Variants in MYO9A observed in about 807,000 individuals in gnomAD.
MYO9A encodes myosin IXA, also known as unconventional myosin-IXa.
A neutral mutation model predicts 293.3 loss-of-function variants in MYO9A; 103 were observed. That is an observed-to-expected ratio of 0.35 (90% CI 0.30 to 0.41). The LOEUF (loss-of-function observed/expected upper bound fraction) is 0.41, where lower values mean the gene tolerates loss of function less well. Among genes scored for constraint, MYO9A ranks in the 10% least tolerant of loss-of-function variants. The pLI, the probability that MYO9A is intolerant of heterozygous loss-of-function variation, is 1.00. For synonymous variants in MYO9A, 1,001 were observed against 1,035.7 expected (o/e 0.97, Z 0.64); for missense variants, 2,685 against 3,033.0 (o/e 0.89, Z 2.69).
chr15:72,024,621 T>A (rs146352828), intron 4 of MYO9A, among the ~76,000 whole-genome samples: 9 of 152,270 alleles, frequency 5.9e-5, no homozygotes, highest in African/African-American at 9.6e-5. Flanking sequence ...AGAAATTACA[T>A]AAAGCAGTAA....
intron 1 of MYO9A, among the ~76,000 whole-genome samples, chr15:72,107,478 G>A (rs2080612549): frequency 6.6e-6 from 1 of 152,164 alleles, no homozygotes; most frequent in African/African-American, 2.4e-5. Flanking sequence ...GAACCCCGGA[G>A]GCAGAAGTTG....
intron 1 of MYO9A, among the ~76,000 whole-genome samples, chr15:72,082,200 T>C (rs747127263): frequency 6.6e-6 from 1 of 152,184 alleles, no homozygotes; most frequent in Non-Finnish European, 1.5e-5. Context: ...CTCTGATTTC[T>C]TTCAGCAGTG....
At chr15:72,066,688 C>A (rs2079032840) in intron 1 of MYO9A, among the ~76,000 whole-genome samples, 1 of 151,992 alleles carries the variant, frequency 6.6e-6, no homozygotes, top group African/African-American at 2.4e-5. Flanking sequence ...CATTCTATAT[C>A]TTAATATGGG....
At chr15:72,033,233 G>T (rs2077933409) in intron 2 of MYO9A, among the ~76,000 whole-genome samples, 2 of 152,110 alleles carry the variant, frequency 1.3e-5, no homozygotes, top group Non-Finnish European at 2.9e-5. Flanking sequence ...CTACAAAAAA[G>T]TCTTAATATA....
intron 18 of MYO9A, among the ~76,000 whole-genome samples, chr15:71,930,328 G>A (rs951276051): frequency 6.6e-6 from 1 of 152,052 alleles, no homozygotes. Context: ...CTGTATTGTA[G>A]TTTATCTCTC....
chr15:71,929,608 A>G (rs8032670), intron 18 of MYO9A, among the ~76,000 whole-genome samples: 2,615 of 152,294 alleles, frequency 0.017, 84 homozygotes, highest in African/African-American at 0.06. Context: ...GCATATATTG[A>G]ACCATTCTTG....
rs193184086 is a variant in MYO9A at position 72,028,452 on chromosome 15, A to C, written c.936-659T>G. 1.4e-3 allele frequency among the ~76,000 whole-genome samples: 216 copies of C among 151,684 alleles called. 1 individual carries two copies. Among genetic ancestry groups the C allele is most frequent in the African/African-American group, 4.9e-3 (204 of 41,362 alleles). ...CACCTGAGGTCAGGAGTTCGAGACC[A>C]GCCTGACCAACATGGAGAAACCCCA... On this transcript the variant is annotated intron_variant, in intron 3 of 41. Coordinates refer to ENST00000356056, the MANE Select transcript of MYO9A (RefSeq NM_006901.4).
Position 71,893,167 on chromosome 15 carries a change from G to A in MYO9A, c.5142+512C>T, listed in dbSNP as rs887773425. ...CATTCGAGCTTTCTTTTTATGGGCC[G>A]GTCTGGCAACCTGCTTGACCAAATG... On this transcript the variant is annotated intron_variant, in intron 26 of 41. Coordinates refer to ENST00000356056, the MANE Select transcript of MYO9A (RefSeq NM_006901.4). The A allele has an allele frequency of 1.3e-5, 16 of 1,278,100 alleles. 1 individual carries two copies. The highest frequency in any genetic ancestry group is 2.2e-4 in the Middle Eastern group (1 of 4,638). 79.2% of individuals were successfully genotyped at this position (1,278,100 alleles called of 1,614,324 possible).
At chr15:72,076,295 ACT>A (rs1373818117) in intron 1 of MYO9A, among the ~76,000 whole-genome samples, 1 of 144,348 alleles carries the variant, frequency 6.9e-6, no homozygotes, top group Non-Finnish European at 1.5e-5. Flanking sequence ...ACAGAGTGAG[ACT>A]CTGTCTCAAA....
intron 18 of MYO9A, among the ~76,000 whole-genome samples, chr15:71,931,739 G>A (rs2058481334): frequency 6.6e-6 from 1 of 151,672 alleles, no homozygotes. Context: ...TTCTCTATTT[G>A]GAACATACTT....
chr15:71,970,103 T>C (rs1418295920), intron 12 of MYO9A, among the ~76,000 whole-genome samples: 1 of 152,256 alleles, frequency 6.6e-6, no homozygotes, highest in Non-Finnish European at 1.5e-5. Flanking sequence ...TGTTAAAATG[T>C]AGATTCTGAT....
chr15:72,116,161 A>C (rs1296484121), intron 1 of MYO9A, among the ~76,000 whole-genome samples: 1 of 152,232 alleles, frequency 6.6e-6, no homozygotes, highest in Non-Finnish European at 1.5e-5. Flanking sequence ...AAGAGGAAAA[A>C]TGGGTGGCTG....
At chr15:72,003,003 C>T (rs1397481410) in intron 8 of MYO9A, among the ~76,000 whole-genome samples, 1 of 152,210 alleles carries the variant, frequency 6.6e-6, no homozygotes, top group African/African-American at 2.4e-5. Context: ...GGCACAGTGG[C>T]TCATGCCTGT....
Position 71,899,904 on chromosome 15 carries a change from A to G in MYO9A, c.3253T>C (p.Trp1085Arg), listed in dbSNP as rs1357962954. The change falls in exon 24 of 42, where the codon TGG becomes CGG. Residue 1085 changes from tryptophan (W) to arginine (R), a missense_variant. Transcript: ENST00000356056. ...ASAAALLQAS[W>R]RAHLERQRYL... is the part of the protein sequence containing the mutation. ...CGCTGCCTCTCTAAGTGAGCACGCCAGGAAGCTTGGAGAAGAGCAGCTGCA... is the reference window on the plus strand; with the variant it reads ...CGCTGCCTCTCTAAGTGAGCACGCCGGGAAGCTTGGAGAAGAGCAGCTGCA... 1.2e-6 allele frequency: 2 copies of G among 1,613,996 alleles called. No homozygotes were observed. The highest frequency in any genetic ancestry group is 4.5e-5 in the East Asian group (2 of 44,882).
chr15:72,106,928 GGA>G (rs1567048213), intron 1 of MYO9A, among the ~76,000 whole-genome samples: 1 of 152,106 alleles, frequency 6.6e-6, no homozygotes, highest in Non-Finnish European at 1.5e-5. Context: ...TACAGTCTAA[GGA>G]CAAAAAGAAA....
At chr15:72,087,986 A>C (rs2079794716) in intron 1 of MYO9A, among the ~76,000 whole-genome samples, 3 of 152,134 alleles carry the variant, frequency 2.0e-5, no homozygotes, top group Admixed American at 2.0e-4. Flanking sequence ...GTCCTACTTC[A>C]ATAGGATGGG....
chr15:71,889,227 A>T (rs1367560133), intron 26 of MYO9A, among the ~76,000 whole-genome samples: 1 of 152,154 alleles, frequency 6.6e-6, no homozygotes, highest in East Asian at 1.9e-4. Context: ...AACACTTTGT[A>T]TGAGAAAACA....
chr15:72,021,500 T>A (rs1263851427), intron 4 of MYO9A, among the ~76,000 whole-genome samples: 1 of 152,090 alleles, frequency 6.6e-6, no homozygotes, highest in East Asian at 1.9e-4. Flanking sequence ...CAGAACAGAG[T>A]TTGAGCTTGT....
intron 1 of MYO9A, among the ~76,000 whole-genome samples, chr15:72,065,322 C>G (rs2078987003): frequency 6.6e-6 from 1 of 151,918 alleles, no homozygotes; most frequent in African/African-American, 2.4e-5. Context: ...TCAAGAACAG[C>G]CTGACCAACA....
Sources: allele counts gnomAD v4.1 joint callset (sites outside exome capture counted in the v4.1 genomes callset), GRCh38; gene constraint gnomAD v4.1.1; transcripts MANE v1.5; gene names NCBI Gene and HGNC (gene_info 2026-07-23, HGNC 2026-07-21).